The following EVA1A variants were observed in gnomAD, a reference collection of about 807,000 sequenced individuals.
EVA1A encodes protein eva-1 homolog A.
In EVA1A, 7 loss-of-function variants were observed where a neutral mutation model predicts 9.8. That is an observed-to-expected ratio of 0.71 (90% CI 0.41 to 1.34). EVA1A has a LOEUF of 1.34. EVA1A is among the 40% of genes most tolerant of loss of function. The probability of loss-of-function intolerance (pLI) is 0.01; values close to 1 mark genes in which losing one functional copy is unlikely to be tolerated. For synonymous variants in EVA1A, 90 were observed against 85.6 expected (o/e 1.05, Z -0.28); for missense variants, 206 against 205.9 (o/e 1.00, Z 0.00).
intron 1 of EVA1A, among the ~76,000 whole-genome samples, chr2:75,546,079 G>A (rs895676034): frequency 6.6e-6 from 1 of 152,130 alleles, no homozygotes; most frequent in Non-Finnish European, 1.5e-5. Context: ...AGTGAGAGAG[G>A]AAACTGTTGA....
intron 1 of EVA1A, among the ~76,000 whole-genome samples, chr2:75,553,763 C>A (rs1312492464): frequency 6.6e-6 from 1 of 152,212 alleles, no homozygotes; most frequent in Non-Finnish European, 1.5e-5. Flanking sequence ...GGGTCTAACA[C>A]TGGAGAATGT....
At chr2:75,522,951 T>C (rs1675284039) in intron 1 of EVA1A, among the ~76,000 whole-genome samples, 1 of 152,180 alleles carries the variant, frequency 6.6e-6, no homozygotes, top group Non-Finnish European at 1.5e-5. Flanking sequence ...GAAATGCTGA[T>C]ATGTAGATTC....
At chr2:75,545,878 G>A (rs34376333) in intron 1 of EVA1A, among the ~76,000 whole-genome samples, 3,869 of 152,162 alleles carry the variant, frequency 0.025, 91 homozygotes, top group Middle Eastern at 0.058. Context: ...CCTGGAAGAG[G>A]TACCCCCAGA....
Position 75,508,365 on chromosome 2 carries a change from T to A in EVA1A, c.85+9691A>T, listed in dbSNP as rs184234149. Among the ~76,000 whole-genome samples the A allele has an allele frequency of 5.1e-3, 770 of 152,180 alleles. 33 individuals carry two copies. Among genetic ancestry groups the A allele is most frequent in the Admixed American group, 0.044 (668 of 15,274 alleles). The stretch of plus-strand genomic sequence containing the variant: ...GAATTCTTTTTCTCAGCAAGGAACA[T>A]CCCTGGGAAAGAGAATACATGCCTG... On this transcript the variant is annotated intron_variant, in intron 3 of 3. Coordinates refer to ENST00000393913, the MANE Select transcript of EVA1A (RefSeq NM_001135032.2).
At position 75,493,547 on chromosome 2, in the gene EVA1A, G is replaced by A; in HGVS notation, c.148C>T (p.Leu50=). Residue 50 remains leucine (L), a synonymous_variant, in exon 4 of 4, where the codon CTG becomes TTG. Transcript: ENST00000393913. ...GAGATCCTTATCACCAGAGCAGCCA[G>A]GGTCAGCACCAGCCCGATGCACACG... The part of the protein sequence containing the change: ...SGVCIGLVLT[L]AALVIRISCH... The A allele has an allele frequency of 6.2e-7, 1 of 1,614,134 alleles. No homozygotes were observed. Among genetic ancestry groups the A allele is most frequent in the Non-Finnish European group, 8.5e-7 (1 of 1,180,012 alleles).
At chr2:75,557,682 C>T (rs1030085405) in intron 1 of EVA1A, among the ~76,000 whole-genome samples, 1 of 152,206 alleles carries the variant, frequency 6.6e-6, no homozygotes, top group Non-Finnish European at 1.5e-5. Context: ...TCCATCCCCC[C>T]ATCCCAAAAA....
At chr2:75,565,578 C>T (rs1420306427), upstream of EVA1A, among the ~76,000 whole-genome samples, 1 of 152,152 alleles carries the variant, frequency 6.6e-6, no homozygotes, top group Non-Finnish European at 1.5e-5. Context: ...GGTTTTGTCC[C>T]AAGAAAGTAC....
At chr2:75,546,624 C>G (rs1465061701) in intron 1 of EVA1A, among the ~76,000 whole-genome samples, 1 of 152,120 alleles carries the variant, frequency 6.6e-6, no homozygotes, top group Non-Finnish European at 1.5e-5. Context: ...ACTCAGGGAT[C>G]TTGGTCAGAG....
intron 1 of EVA1A, among the ~76,000 whole-genome samples, chr2:75,558,218 T>C (rs1379246371): frequency 1.3e-5 from 2 of 152,196 alleles, no homozygotes; most frequent in African/African-American, 4.8e-5. Flanking sequence ...GCACTCAGTA[T>C]TAAGATGAAT....
intron 3 of EVA1A, among the ~76,000 whole-genome samples, chr2:75,508,847 G>A (rs914907783): frequency 2.0e-5 from 3 of 151,996 alleles, no homozygotes; most frequent in Admixed American, 6.6e-5. Context: ...GCTGGCGGAC[G>A]CTTAGGGAAA....
At position 75,548,987 on chromosome 2, in the gene EVA1A, T is replaced by A. The variant is rs577400652; in HGVS notation, c.-192+11693A>T. ...CTGATGACTGGCTAAATGAAAAATA[T>A]ATATATATATATATATATATATTTT... On this transcript the variant is annotated intron_variant, in intron 1 of 3. Coordinates refer to ENST00000393913, the MANE Select transcript of EVA1A (RefSeq NM_001135032.2). 2.3e-3 allele frequency among the ~76,000 whole-genome samples: 217 copies of A among 93,096 alleles called. 1 individual carries two copies. The highest frequency in any genetic ancestry group is 7.7e-3 in the African/African-American group (157 of 20,292). 61.1% of individuals were successfully genotyped at this position (93,096 alleles called of 152,430 possible). A position where few individuals can be genotyped will look rare whatever the true frequency, so the allele number is the denominator to read the frequency against.
At chr2:75,559,859 C>T (rs1196266303) in intron 1 of EVA1A, among the ~76,000 whole-genome samples, 1 of 151,948 alleles carries the variant, frequency 6.6e-6, no homozygotes, top group Non-Finnish European at 1.5e-5. Flanking sequence ...TCTCATTTTG[C>T]CCGTTTGTAA....
At chr2:75,568,299 CATT>C (rs1473292224) in intron 1 of EVA1A, among the ~76,000 whole-genome samples, 1 of 150,694 alleles carries the variant, frequency 6.6e-6, no homozygotes, top group Non-Finnish European at 1.5e-5. Context: ...AATAATAAAT[CATT>C]GTTACCAATC....
intron 3 of EVA1A, among the ~76,000 whole-genome samples, chr2:75,499,881 T>C (rs989067923): frequency 1.3e-5 from 2 of 152,176 alleles, no homozygotes; most frequent in East Asian, 3.8e-4. Context: ...GTCTTCACAG[T>C]GGGAACATGT....
At chr2:75,530,179 GC>G (rs1343982829) in intron 1 of EVA1A, among the ~76,000 whole-genome samples, 3 of 151,904 alleles carry the variant, frequency 2.0e-5, no homozygotes, top group Non-Finnish European at 2.9e-5. Flanking sequence ...GAAATACACA[GC>G]CCTCTCTGGA....
Position 75,493,309 on chromosome 2 carries a change from C to A in EVA1A, c.386G>T (p.Arg129Leu). The A allele has an allele frequency of 6.2e-7, 1 of 1,614,070 alleles. No individual in the cohort carries two copies. Among genetic ancestry groups the A allele is most frequent in the Non-Finnish European group, 8.5e-7 (1 of 1,179,972 alleles). ...ATTCATCCAGATCTCCCTGATGATG[C>A]GCTCGCGCTCCTCCAGCCGCTGGGC... is the stretch of plus-strand genomic sequence containing the variant. ...ERAQRLEERE[R>L]IIREIWMNGQ... The change falls in exon 4 of 4, where the codon CGC (arginine) becomes CTC (leucine). Residue 129 changes from arginine (R) to leucine (L), a missense_variant. Arg to Leu is a moderately radical substitution (Grantham distance 102). Coordinates refer to ENST00000393913, the MANE Select transcript of EVA1A (RefSeq NM_001135032.2).
chr2:75,493,337 G>A lies in EVA1A; in HGVS notation c.358C>T (p.Arg120Cys). The change falls in exon 4 of 4, where the codon CGC becomes TGC. Residue 120 changes from arginine (R) to cysteine (C), a missense_variant. Physicochemically the swap from Arg to Cys is radical, Grantham distance 180. Transcript: ENST00000393913. The stretch of plus-strand genomic sequence containing the variant: ...TCGCGCTCCTCCAGCCGCTGGGCGC[G>A]CTCCAGCTCCTCCGCAGAGGTGAAC... ...NVFTSAEELE[R>C]AQRLEERERI... The A allele has an allele frequency of 2.5e-6, 4 of 1,614,182 alleles. No individual in the cohort carries two copies. Among genetic ancestry groups the A allele is most frequent in the Non-Finnish European group, 3.4e-6 (4 of 1,180,022 alleles).
chr2:75,512,043 T>A (rs1189108022), intron 3 of EVA1A, among the ~76,000 whole-genome samples: 2 of 151,934 alleles, frequency 1.3e-5, no homozygotes, highest in Non-Finnish European at 2.9e-5. Flanking sequence ...ATTTTATGGG[T>A]ACATAGAAGC....
At chr2:75,526,125 G>A (rs1572967150) in intron 1 of EVA1A, 1 of 152,224 alleles carries the variant, frequency 6.6e-6, no homozygotes, top group African/African-American at 2.4e-5. Context: ...TGTGCCCAAT[G>A]ATTGACTCAT....
Sources: gnomAD v4.1 joint callset for allele counts (sites outside exome capture counted in the v4.1 genomes callset) on GRCh38, gnomAD v4.1.1 for gene constraint, MANE v1.5 for transcripts, NCBI Gene and HGNC (gene_info 2026-07-23, HGNC 2026-07-21) for gene names.